The following NXN variants were observed in gnomAD, a reference collection of about 807,000 sequenced individuals.
NXN encodes nucleoredoxin 1.
In NXN, 16 loss-of-function variants were observed where a neutral mutation model predicts 48.6. That is an observed-to-expected ratio of 0.33 (90% CI 0.22 to 0.50). NXN has a LOEUF of 0.50. Ranked by LOEUF, NXN falls within the 20% of genes least tolerant of loss-of-function variation. The pLI is 0.98. For synonymous variants in NXN, 281 were observed against 269.6 expected (o/e 1.04, Z -0.41); for missense variants, 492 against 605.5 (o/e 0.81, Z 1.97).
chr17:928,574 G>A (rs914581379), intron 1 of NXN, among the ~76,000 whole-genome samples: 3 of 152,152 alleles, frequency 2.0e-5, no homozygotes, highest in South Asian at 2.1e-4. Context: ...GGTGGCTCAC[G>A]CCTGTAATCC....
At chr17:883,486 A>AC (rs1271353844) in intron 1 of NXN, among the ~76,000 whole-genome samples, 1 of 152,150 alleles carries the variant, frequency 6.6e-6, no homozygotes, top group Non-Finnish European at 1.5e-5. Flanking sequence ...CACCTCCATG[A>AC]CCTCAGGCTA....
intron 5 of NXN, among the ~76,000 whole-genome samples, chr17:805,511 C>G (rs1209630555): frequency 5.3e-5 from 8 of 152,196 alleles, no homozygotes; most frequent in African/African-American, 1.7e-4. Flanking sequence ...TCCTCAGCTG[C>G]AGCCTGATGA....
intron 1 of NXN, among the ~76,000 whole-genome samples, chr17:924,361 C>T (rs560856725): frequency 2.6e-5 from 4 of 152,326 alleles, no homozygotes; most frequent in South Asian, 2.1e-4. Flanking sequence ...CTCAGCCCCC[C>T]GCGTAGGTGG....
At chr17:846,310 C>T (rs1174064696) in intron 1 of NXN, among the ~76,000 whole-genome samples, 2 of 146,690 alleles carry the variant, frequency 1.4e-5, no homozygotes, top group African/African-American at 2.5e-5. Flanking sequence ...CCCAGCTGCT[C>T]GGGAGGCTGA....
intron 1 of NXN, among the ~76,000 whole-genome samples, chr17:884,744 A>G (rs1271549175): frequency 6.6e-6 from 1 of 152,208 alleles, no homozygotes; most frequent in Non-Finnish European, 1.5e-5. Context: ...TAGAAAAGGG[A>G]TGGACGGTCC....
intron 1 of NXN, among the ~76,000 whole-genome samples, chr17:841,300 A>G (rs1340238450): frequency 6.6e-6 from 1 of 152,246 alleles, no homozygotes; most frequent in East Asian, 1.9e-4. Context: ...TCAAAGAGGC[A>G]GCACTGGACT....
chr17:896,862 C>CGGGG, intron 1 of NXN: 3 of 576,060 alleles, frequency 5.2e-6, no homozygotes, highest in Non-Finnish European at 8.2e-6. Flanking sequence ...TGACCACCCG[C>CGGGG]CCCCGGCCCC....
At chr17:860,858 T>A (rs1204139823) in intron 1 of NXN, among the ~76,000 whole-genome samples, 1 of 152,244 alleles carries the variant, frequency 6.6e-6, no homozygotes, top group Non-Finnish European at 1.5e-5. Flanking sequence ...AAAAGGCAAA[T>A]AATTTAAGTG....
chr17:891,866 AC>A (rs1160473562), intron 1 of NXN, among the ~76,000 whole-genome samples: 3 of 131,032 alleles, frequency 2.3e-5, no homozygotes, highest in East Asian at 2.1e-4. Flanking sequence ...CCAACAGGGA[AC>A]CTAAACTAAC....
chr17:809,814 C>T (rs1256103322), intron 5 of NXN, among the ~76,000 whole-genome samples: 2 of 113,012 alleles, frequency 1.8e-5, no homozygotes, highest in African/African-American at 3.0e-5. Context: ...GTGACGAGTC[C>T]GTGTGAGCGG....
At chr17:835,245 T>G (rs1054302488) in intron 1 of NXN, among the ~76,000 whole-genome samples, 2 of 150,758 alleles carry the variant, frequency 1.3e-5, no homozygotes, top group African/African-American at 4.9e-5. Flanking sequence ...GAGGCGGAGC[T>G]TGCAGTGAGC....
intron 1 of NXN, among the ~76,000 whole-genome samples, chr17:897,887 G>A (rs2068503682): frequency 6.6e-6 from 1 of 152,164 alleles, no homozygotes; most frequent in African/African-American, 2.4e-5. Context: ...CACCGTGTTG[G>A]CCAGGCTGGT....
intron 1 of NXN, among the ~76,000 whole-genome samples, chr17:941,290 T>C (rs1220297973): frequency 6.8e-4 from 87 of 128,096 alleles, no homozygotes; most frequent in African/African-American, 2.3e-3. Flanking sequence ...CCAAACACCT[T>C]CCTGGATTTA....
chr17:938,839 C>A (rs2068937781), intron 1 of NXN, among the ~76,000 whole-genome samples: 1 of 151,982 alleles, frequency 6.6e-6, no homozygotes, highest in African/African-American at 2.4e-5. Flanking sequence ...GCGGGCGGAT[C>A]ACTTGAGGCC....
At chr17:946,042 G>C (rs1235046340) in intron 1 of NXN, among the ~76,000 whole-genome samples, 1 of 152,216 alleles carries the variant, frequency 6.6e-6, no homozygotes, top group Non-Finnish European at 1.5e-5. Context: ...GGGAGAAGGA[G>C]AGGGAAAGGG....
chr17:870,718 G>A (rs1022003655), intron 1 of NXN, among the ~76,000 whole-genome samples: 2 of 150,422 alleles, frequency 1.3e-5, no homozygotes, highest in Non-Finnish European at 2.9e-5. Context: ...TTGTGCTACT[G>A]TATTCAAGCC....
chr17:853,723 A>ATATATATATATATATATT (rs1491528474), intron 1 of NXN, among the ~76,000 whole-genome samples: 77 of 105,962 alleles, frequency 7.3e-4, no homozygotes, highest in Admixed American at 1.1e-3. Flanking sequence ...ATATATATAT[A>ATATATATATATATATATT]TTTTTTTTTT....
At chr17:869,316 A>G (rs896914373) in intron 1 of NXN, among the ~76,000 whole-genome samples, 4 of 152,166 alleles carry the variant, frequency 2.6e-5, no homozygotes, top group Admixed American at 2.0e-4. Flanking sequence ...ACACCAACCC[A>G]AGAGTGATCC....
intron 1 of NXN, among the ~76,000 whole-genome samples, chr17:903,992 G>A (rs1474420649): frequency 1.3e-5 from 2 of 152,190 alleles, no homozygotes; most frequent in Non-Finnish European, 2.9e-5. Flanking sequence ...AGTTAAGGCT[G>A]CATTTGTAGA....
Sources: gnomAD v4.1 joint callset for allele counts (sites outside exome capture counted in the v4.1 genomes callset) on GRCh38, gnomAD v4.1.1 for gene constraint, MANE v1.5 for transcripts, NCBI Gene and HGNC (gene_info 2026-07-23, HGNC 2026-07-21) for gene names.